Variants in GRIK4 observed in about 807,000 individuals in gnomAD.
GRIK4 encodes glutamate receptor ionotropic, kainate 4.
GRIK4 carries 40 observed loss-of-function variants against 104.9 expected under a neutral mutation model. The observed-to-expected ratio is 0.38, with a 90% CI of 0.30 to 0.50. The LOEUF is 0.50. Among genes scored for constraint, GRIK4 ranks in the 20% least tolerant of loss-of-function variants. GRIK4 has a pLI of 0.93. For synonymous variants in GRIK4, 485 were observed against 524.9 expected (o/e 0.92, Z 1.04); for missense variants, 1,047 against 1,308.1 (o/e 0.80, Z 3.08).
chr11:120,829,942 G>A (rs374362377), intron 6 of GRIK4, among the ~76,000 whole-genome samples: 5 of 152,154 alleles, frequency 3.3e-5, no homozygotes, highest in Admixed American at 3.3e-4. Flanking sequence ...AGTCTCCATC[G>A]AAACCCTGTC....
chr11:120,657,219 C>G (rs1196803961), intron 2 of GRIK4, among the ~76,000 whole-genome samples: 4 of 152,174 alleles, frequency 2.6e-5, no homozygotes, highest in African/African-American at 9.7e-5. Context: ...AAACAAGATT[C>G]CTGTCCTTGC....
chr11:120,575,427 G>T lies in GRIK4; in HGVS notation c.-159+63540G>T, dbSNP rs531626733. Among the ~76,000 whole-genome samples, 3 of 152,116 alleles carry T rather than the reference G, an allele frequency of 2.0e-5. No individual in the cohort carries two copies. The South Asian group carries it at 6.2e-4, about 32-fold the overall frequency. ...TTTACTTCTCTTCCCTCTGGCGCACGGGTCCTCTCACCATCTATCTTCCAG... is the reference window on the plus strand; with the variant it reads ...TTTACTTCTCTTCCCTCTGGCGCACTGGTCCTCTCACCATCTATCTTCCAG... On this transcript the variant is annotated intron_variant, in intron 1 of 20. Transcript: ENST00000527524.
chr11:120,644,420 A>C (rs1002956395), intron 1 of GRIK4, among the ~76,000 whole-genome samples: 3 of 152,206 alleles, frequency 2.0e-5, no homozygotes, highest in Non-Finnish European at 4.4e-5. Context: ...TGAAACTGCA[A>C]ATAGCCCCGT....
chr11:120,522,590 G>A (rs558572454), intron 1 of GRIK4, among the ~76,000 whole-genome samples: 2 of 152,238 alleles, frequency 1.3e-5, no homozygotes, highest in South Asian at 4.1e-4. Flanking sequence ...CAAAGTGCTG[G>A]GATTACAGGT....
intron 1 of GRIK4, among the ~76,000 whole-genome samples, chr11:120,617,246 T>G (rs1361429877): frequency 6.6e-6 from 1 of 152,262 alleles, no homozygotes; most frequent in African/African-American, 2.4e-5. Context: ...CATTGTTTTC[T>G]TAGTACCTAG....
chr11:120,751,018 G>C (rs1378240500), intron 3 of GRIK4, among the ~76,000 whole-genome samples: 11 of 152,200 alleles, frequency 7.2e-5, no homozygotes. Context: ...AATTGCGGAG[G>C]GTTCCTGTCT....
intron 1 of GRIK4, chr11:120,576,436 C>G (rs549550535): frequency 4.6e-5 from 7 of 152,310 alleles, no homozygotes; most frequent in African/African-American, 1.4e-4. Flanking sequence ...CCCTCCTGGG[C>G]TTGGAGAAGA....
chr11:120,677,300 T>G (rs1363906289), intron 3 of GRIK4, among the ~76,000 whole-genome samples: 1 of 152,222 alleles, frequency 6.6e-6, no homozygotes, highest in Non-Finnish European at 1.5e-5. Flanking sequence ...CCGCTCAGAA[T>G]GATGTGTTTA....
chr11:120,741,114 C>T (rs1023773754), intron 3 of GRIK4, among the ~76,000 whole-genome samples: 1 of 152,034 alleles, frequency 6.6e-6, no homozygotes, highest in African/African-American at 2.4e-5. Context: ...GAGAATTTAC[C>T]AGGTGTCAGG....
At chr11:120,592,432 A>G (rs1169456689) in intron 1 of GRIK4, among the ~76,000 whole-genome samples, 3 of 152,160 alleles carry the variant, frequency 2.0e-5, no homozygotes, top group African/African-American at 7.2e-5. Flanking sequence ...AACAAGAACG[A>G]AGCTTGCTGT....
At chr11:120,829,506 T>C (rs1004128634) in intron 6 of GRIK4, among the ~76,000 whole-genome samples, 4 of 152,164 alleles carry the variant, frequency 2.6e-5, no homozygotes, top group African/African-American at 9.7e-5. Context: ...CCGTCTTCTC[T>C]GCCTGGTGTC....
chr11:120,655,101 T>C (rs757103865), intron 2 of GRIK4, among the ~76,000 whole-genome samples: 1 of 152,098 alleles, frequency 6.6e-6, no homozygotes. Flanking sequence ...GAGCACCTAC[T>C]ATGTGCCAGA....
intron 3 of GRIK4, among the ~76,000 whole-genome samples, chr11:120,717,570 G>A (rs1394468258): frequency 6.6e-6 from 1 of 151,682 alleles, no homozygotes; most frequent in Non-Finnish European, 1.5e-5. Flanking sequence ...AAAAAAAAAA[G>A]CGATGGGAGA....
chr11:120,720,963 G>GTT, intron 3 of GRIK4, among the ~76,000 whole-genome samples: 2 of 146,176 alleles, frequency 1.4e-5, no homozygotes, highest in South Asian at 4.6e-4. Context: ...AGCTGGATGA[G>GTT]TTTGTTCATT....
chr11:120,559,612 G>C (rs1948219601), intron 1 of GRIK4, among the ~76,000 whole-genome samples: 1 of 152,180 alleles, frequency 6.6e-6, no homozygotes, highest in Non-Finnish European at 1.5e-5. Context: ...AACATGGTTT[G>C]ATCATTTTTT....
intron 3 of GRIK4, among the ~76,000 whole-genome samples, chr11:120,761,507 T>G (rs1204958465): frequency 2.6e-5 from 4 of 152,224 alleles, no homozygotes; most frequent in Admixed American, 2.0e-4. Flanking sequence ...GGTGTTTTAG[T>G]CATGAAATCT....
intron 1 of GRIK4, among the ~76,000 whole-genome samples, chr11:120,541,753 T>C (rs551421699): frequency 6.6e-6 from 1 of 152,124 alleles, no homozygotes; most frequent in Non-Finnish European, 1.5e-5. Flanking sequence ...TTTCCCAAAG[T>C]GTTGAGATTA....
intron 3 of GRIK4, among the ~76,000 whole-genome samples, chr11:120,761,915 T>C (rs1379196526): frequency 6.6e-6 from 1 of 152,228 alleles, no homozygotes; most frequent in Non-Finnish European, 1.5e-5. Context: ...TTGCATAGGA[T>C]TGCCTTGGCT....
chr11:120,842,854 G>C (rs750392887), intron 8 of GRIK4, among the ~76,000 whole-genome samples: 2 of 152,266 alleles, frequency 1.3e-5, no homozygotes, highest in Non-Finnish European at 2.9e-5. Context: ...GTCTACCGTT[G>C]AGACAGCAGG....
Sources: allele counts gnomAD v4.1 joint callset (sites outside exome capture counted in the v4.1 genomes callset), GRCh38; gene constraint gnomAD v4.1.1; transcripts MANE v1.5; gene names NCBI Gene and HGNC (gene_info 2026-07-23, HGNC 2026-07-21).